NSRP1: variants seen among roughly 807,000 people sequenced by gnomAD.
NSRP1 encodes the protein coiled-coil domain containing 55.
NSRP1 carries 24 observed loss-of-function variants against 54.7 expected under a neutral mutation model. That is an observed-to-expected ratio of 0.44 (90% CI 0.32 to 0.62). The LOEUF (loss-of-function observed/expected upper bound fraction) is 0.62, where lower values mean the gene tolerates loss of function less well. Ranked by LOEUF, NSRP1 falls within the 20% of genes least tolerant of loss-of-function variation. The pLI is 0.06. For missense variants in NSRP1, 596 were observed against 651.2 expected (o/e 0.92, Z 0.92); for synonymous variants, 210 against 213.8 (o/e 0.98, Z 0.15).
At chr17:30,159,237 T>G (rs1904423409) in intron 2 of NSRP1, among the ~76,000 whole-genome samples, 2 of 152,204 alleles carry the variant, frequency 1.3e-5, no homozygotes, top group Non-Finnish European at 2.9e-5. Context: ...ATATGATTGC[T>G]TTCTTGATTT....
In NSRP1 at chr17:30,178,176, T is replaced by C; in HGVS notation, c.277T>C (p.Leu93=). The change falls in exon 4 of 7, where the codon TTG becomes CTG. Residue 93 remains leucine, a synonymous_variant. Coordinates refer to ENST00000247026, the MANE Select transcript of NSRP1 (RefSeq NM_032141.4). ...AAAAAAGGAGGAAAATAATCCCAAATTGCTTTTGGGGAAAGACAGAAAGGT... is the reference window on the plus strand; with the variant it reads ...AAAAAAGGAGGAAAATAATCCCAAACTGCTTTTGGGGAAAGACAGAAAGGT... ...QKKKEENNPK[L]LLGKDRKPKY... is the part of the protein sequence containing the mutation. 6.2e-7 allele frequency: 1 copy of C among 1,607,878 alleles called. No individual in the cohort carries two copies.
chr17:30,184,815 T>C lies in NSRP1; in HGVS notation c.818T>C (p.Ile273Thr). The C allele has an allele frequency of 6.2e-7, 1 of 1,613,992 alleles. No homozygotes were observed. The highest frequency in any genetic ancestry group is 8.5e-7 in the Non-Finnish European group (1 of 1,179,980). The part of the protein sequence containing the change: ...TRVNCRREKV[I>T]ETPENDFKHH... ...GTGAACTGCAGAAGGGAAAAGGTCA[T>C]AGAGACCCCTGAGAATGACTTCAAG... Residue 273 changes from isoleucine to threonine, a missense_variant, in exon 7 of 7, where the codon ATA becomes ACA. By Grantham distance (89) the Ile-to-Thr change is moderately conservative (BLOSUM62 -1). Transcript: ENST00000247026.
intron 2 of NSRP1, among the ~76,000 whole-genome samples, chr17:30,162,556 A>G (rs1904559168): frequency 6.6e-6 from 1 of 152,196 alleles, no homozygotes; most frequent in African/African-American, 2.4e-5. Context: ...CACGACAGAA[A>G]ATTTTAGCTG....
intron 2 of NSRP1, among the ~76,000 whole-genome samples, chr17:30,159,636 T>G (rs1904438647): frequency 6.6e-6 from 1 of 151,976 alleles, no homozygotes; most frequent in Non-Finnish European, 1.5e-5. Flanking sequence ...TTGAGGTATA[T>G]TCTTTCTTTT....
At chr17:30,136,517 A>C (rs1329690771) in intron 2 of NSRP1, among the ~76,000 whole-genome samples, 3 of 152,198 alleles carry the variant, frequency 2.0e-5, no homozygotes, top group Non-Finnish European at 4.4e-5. Flanking sequence ...ATTTTATCAA[A>C]TCTAAGCTGC....
chr17:30,132,411 A>C (rs932951117), intron 2 of NSRP1, among the ~76,000 whole-genome samples: 1 of 149,556 alleles, frequency 6.7e-6, no homozygotes, highest in Non-Finnish European at 1.5e-5. Context: ...AAAGTTAGCC[A>C]GTTGTGGTGG....
At chr17:30,129,073 T>C (rs71371153) in intron 2 of NSRP1, among the ~76,000 whole-genome samples, 1 of 151,822 alleles carries the variant, frequency 6.6e-6, no homozygotes, top group African/African-American at 2.4e-5. Context: ...TTTTTTTTTA[T>C]ACTTTTCTGT....
At chr17:30,131,240 A>G (rs550807329) in intron 2 of NSRP1, among the ~76,000 whole-genome samples, 4 of 152,294 alleles carry the variant, frequency 2.6e-5, no homozygotes, top group African/African-American at 9.6e-5. Flanking sequence ...TTAGTCTTCA[A>G]TATATTTTCT....
intron 4 of NSRP1, 99 bp downstream of exon 4, chr17:30,178,298 G>A (rs1905193467): frequency 1.5e-6 from 2 of 1,343,704 alleles, no homozygotes; most frequent in Non-Finnish European, 2.0e-6. Flanking sequence ...AAGCTTTTAG[G>A]TATGTGAGGT....
chr17:30,161,297 T>G (rs1482085431), intron 2 of NSRP1, among the ~76,000 whole-genome samples: 3 of 152,214 alleles, frequency 2.0e-5, no homozygotes, highest in Non-Finnish European at 4.4e-5. Context: ...TAGTCATTTT[T>G]CTAATTATTG....
At chr17:30,180,765 A>G (rs1406617909) in intron 5 of NSRP1, 143 bp from the exon 6 acceptor site, 3 of 554,464 alleles carry the variant, frequency 5.4e-6, no homozygotes, top group Non-Finnish European at 9.6e-6. Context: ...AAAACAGGCA[A>G]CAGGCCAGAT....
chr17:30,178,501 G>A (rs1192927111), intron 4 of NSRP1, among the ~76,000 whole-genome samples: 1 of 152,060 alleles, frequency 6.6e-6, no homozygotes, highest in East Asian at 1.9e-4. Flanking sequence ...CCCTGTGTAT[G>A]TTTATTTGTG....
At position 30,178,186 on chromosome 17, in the gene NSRP1, G is replaced by A. The variant is rs1236974549; in HGVS notation, c.287G>A (p.Gly96Glu). The A allele has an allele frequency of 1.9e-6, 3 of 1,602,952 alleles. No homozygotes were observed. The highest frequency in any genetic ancestry group is 2.5e-6 in the Non-Finnish European group (3 of 1,177,150). ...GAAAATAATCCCAAATTGCTTTTGG[G>A]GAAAGACAGAAAGGTTTGTAAGCTG... is the stretch of plus-strand genomic sequence containing the variant. Reference protein sequence around the residue: ...KEENNPKLLLGKDRKPKYIHN... With the variant: ...KEENNPKLLLEKDRKPKYIHN... Residue 96 changes from glycine (G) to glutamate (E), a missense_variant, in exon 4 of 7, where the codon GGG becomes GAG. Gly to Glu is a moderately conservative substitution (Grantham distance 98, BLOSUM62 -2). Transcript: ENST00000247026.
chr17:30,134,334 T>G (rs555405048), intron 2 of NSRP1, among the ~76,000 whole-genome samples: 1 of 152,306 alleles, frequency 6.6e-6, no homozygotes, highest in East Asian at 1.9e-4. Flanking sequence ...ATTGTGAGAA[T>G]TACCAAAATG....
At chr17:30,145,358 G>C (rs569581448) in intron 2 of NSRP1, among the ~76,000 whole-genome samples, 7 of 152,320 alleles carry the variant, frequency 4.6e-5, no homozygotes, top group Non-Finnish European at 1.0e-4. Flanking sequence ...GCCAAGGTGG[G>C]CGGATCACGA....
At chr17:30,134,553 A>G (rs1453657396) in intron 2 of NSRP1, among the ~76,000 whole-genome samples, 2 of 152,216 alleles carry the variant, frequency 1.3e-5, no homozygotes, top group Admixed American at 6.5e-5. Context: ...TTCAGCTGAA[A>G]GAGAAGCAGC....
intron 6 of NSRP1, among the ~76,000 whole-genome samples, chr17:30,181,535 G>T (rs1597623372): frequency 6.7e-6 from 1 of 150,138 alleles, no homozygotes; most frequent in Middle Eastern, 3.5e-3. Flanking sequence ...GACTACAGGT[G>T]CAAGCCATCA....
intron 2 of NSRP1, among the ~76,000 whole-genome samples, chr17:30,157,488 A>G (rs1904350318): frequency 6.6e-6 from 1 of 152,162 alleles, no homozygotes; most frequent in Non-Finnish European, 1.5e-5. Context: ...TTACTTTGAA[A>G]TGTACATATT....
intron 2 of NSRP1, among the ~76,000 whole-genome samples, chr17:30,159,341 G>T (rs1310850283): frequency 6.6e-6 from 1 of 152,008 alleles, no homozygotes; most frequent in Non-Finnish European, 1.5e-5. Context: ...TTGTTCATTA[G>T]TTTTAAGAGG....
Sources: gnomAD v4.1 joint callset for allele counts (sites outside exome capture counted in the v4.1 genomes callset) on GRCh38, gnomAD v4.1.1 for gene constraint, MANE v1.5 for transcripts, NCBI Gene and HGNC (gene_info 2026-07-23, HGNC 2026-07-21) for gene names.